Variants in KALRN observed in about 807,000 individuals in gnomAD.
KALRN encodes kalirin.
A neutral mutation model predicts 353.7 loss-of-function variants in KALRN; 70 were observed. The observed-to-expected ratio is 0.20, with a 90% CI of 0.16 to 0.24. The LOEUF is 0.24. Among genes scored for constraint, KALRN ranks in the 10% least tolerant of loss-of-function variants. The probability of loss-of-function intolerance (pLI) is 1.00; values close to 1 mark genes in which losing one functional copy is unlikely to be tolerated. For synonymous variants in KALRN, 1,391 were observed against 1,434.8 expected (o/e 0.97, Z 0.69); for missense variants, 2,791 against 3,756.7 (o/e 0.74, Z 6.72).
intron 14 of KALRN, among the ~76,000 whole-genome samples, chr3:124,413,933 C>T (rs2092345418): frequency 6.6e-6 from 1 of 151,990 alleles, no homozygotes; most frequent in South Asian, 2.1e-4. Context: ...TGGTGAAACC[C>T]CTTCTCTACT....
chr3:124,114,129 G>T (rs1212652261), intron 1 of KALRN, among the ~76,000 whole-genome samples: 1 of 152,204 alleles, frequency 6.6e-6, no homozygotes, highest in Non-Finnish European at 1.5e-5. Flanking sequence ...GAGGGAGCAG[G>T]TTGGAAGAAC....
chr3:124,132,197 G>A (rs1419531220), intron 1 of KALRN, among the ~76,000 whole-genome samples: 2 of 152,144 alleles, frequency 1.3e-5, no homozygotes, highest in Non-Finnish European at 2.9e-5. Flanking sequence ...TGATGACTGG[G>A]TGCTGCCTGA....
At chr3:124,071,762 C>T (rs1217691668) in intron 1 of KALRN, among the ~76,000 whole-genome samples, 5 of 152,150 alleles carry the variant, frequency 3.3e-5, no homozygotes, top group Admixed American at 2.6e-4. Flanking sequence ...TCACATTGGC[C>T]ATTAAGTTTC....
intron 1 of KALRN, among the ~76,000 whole-genome samples, chr3:124,172,651 G>A (rs1362288706): frequency 6.6e-6 from 1 of 152,008 alleles, no homozygotes; most frequent in Non-Finnish European, 1.5e-5. Context: ...AAATTTGCCA[G>A]GGGCGCCCCT....
At chr3:124,401,782 C>T (rs1167054518) in intron 13 of KALRN, among the ~76,000 whole-genome samples, 1 of 152,124 alleles carries the variant, frequency 6.6e-6, no homozygotes. Flanking sequence ...AATCTTAGAA[C>T]TGGAAATCCT....
At chr3:124,344,117 A>G (rs896917669) in intron 9 of KALRN, among the ~76,000 whole-genome samples, 1 of 152,232 alleles carries the variant, frequency 6.6e-6, no homozygotes, top group Admixed American at 6.5e-5. Context: ...TTGTAGATGA[A>G]GAGAAATTAT....
intron 51 of KALRN, among the ~76,000 whole-genome samples, chr3:124,682,102 G>A (rs925349655): frequency 6.6e-6 from 1 of 152,164 alleles, no homozygotes; most frequent in Non-Finnish European, 1.5e-5. Context: ...TTTTCTCAAG[G>A]CATGTGTAAG....
At chr3:124,243,030 TG>T (rs1335151005) in intron 3 of KALRN, among the ~76,000 whole-genome samples, 1 of 152,174 alleles carries the variant, frequency 6.6e-6, no homozygotes, top group Non-Finnish European at 1.5e-5. Context: ...CCTACATTGG[TG>T]GGGTAGTCTC....
intron 37 of KALRN, among the ~76,000 whole-genome samples, chr3:124,648,806 C>T (rs1300070755): frequency 1.3e-5 from 2 of 152,206 alleles, no homozygotes; most frequent in Non-Finnish European, 2.9e-5. Context: ...CACCAGGAGA[C>T]ATGTCATTGG....
intron 1 of KALRN, among the ~76,000 whole-genome samples, chr3:124,091,700 A>T (rs567807893): frequency 7.9e-5 from 12 of 152,258 alleles, no homozygotes; most frequent in South Asian, 4.1e-4. Flanking sequence ...CCTGGAAAAC[A>T]TGTCTCTGTA....
At chr3:124,288,972 A>G (rs1337676866) in intron 5 of KALRN, among the ~76,000 whole-genome samples, 1 of 152,218 alleles carries the variant, frequency 6.6e-6, no homozygotes, top group Non-Finnish European at 1.5e-5. Flanking sequence ...CTGTTGCTAT[A>G]AAATAATGCC....
chr3:124,459,913 C>G (rs746498260), intron 23 of KALRN, among the ~76,000 whole-genome samples: 6 of 152,016 alleles, frequency 3.9e-5, no homozygotes, highest in Non-Finnish European at 7.4e-5. Context: ...AACCAAGTAC[C>G]ACAAATTGGG....
chr3:124,171,199 G>T (rs188839599), intron 1 of KALRN, among the ~76,000 whole-genome samples: 1 of 152,098 alleles, frequency 6.6e-6, no homozygotes, highest in African/African-American at 2.4e-5. Context: ...TAGGCTCCAA[G>T]GTTTAGTGGA....
At chr3:124,060,277 C>G (rs1194763742) in intron 1 of KALRN, among the ~76,000 whole-genome samples, 1 of 152,108 alleles carries the variant, frequency 6.6e-6, no homozygotes, top group East Asian at 1.9e-4. Flanking sequence ...GCCAGATGCT[C>G]CTGGTCAGCA....
intron 1 of KALRN, among the ~76,000 whole-genome samples, chr3:124,137,669 C>T (rs1438758987): frequency 6.6e-6 from 1 of 152,154 alleles, no homozygotes; most frequent in African/African-American, 2.4e-5. Context: ...GGAGTCCTTA[C>T]ACGCAAATTT....
At chr3:124,374,948 A>G (rs1206942952) in intron 10 of KALRN, among the ~76,000 whole-genome samples, 7 of 152,202 alleles carry the variant, frequency 4.6e-5, no homozygotes, top group African/African-American at 1.7e-4. Flanking sequence ...CCATGCAAGA[A>G]TGAATTTCTG....
chr3:124,288,402 C>T (rs947513075), intron 5 of KALRN, among the ~76,000 whole-genome samples: 2 of 151,834 alleles, frequency 1.3e-5, no homozygotes, highest in Non-Finnish European at 2.9e-5. Context: ...AATGTGGACA[C>T]CAATATAGGG....
intron 1 of KALRN, among the ~76,000 whole-genome samples, chr3:124,135,139 A>G (rs181792970): frequency 3.9e-5 from 6 of 152,352 alleles, no homozygotes; most frequent in Non-Finnish European, 7.3e-5. Flanking sequence ...ATGCCCATCA[A>G]TCAATGAGTG....
chr3:124,672,396 T>C (rs538499449), intron 48 of KALRN, among the ~76,000 whole-genome samples: 6 of 152,358 alleles, frequency 3.9e-5, no homozygotes, highest in Non-Finnish European at 7.3e-5. Flanking sequence ...AAATGGATGA[T>C]TTTTGCTAAA....
Sources: allele counts gnomAD v4.1 joint callset (sites outside exome capture counted in the v4.1 genomes callset), GRCh38; gene constraint gnomAD v4.1.1; transcripts MANE v1.5; gene names NCBI Gene and HGNC (gene_info 2026-07-23, HGNC 2026-07-21).